The following AFF3 variants were observed in gnomAD, a reference collection of about 807,000 sequenced individuals.
AFF3 encodes ALF transcription elongation factor 3, also known as AF4/FMR2 family member 3.
A neutral mutation model predicts 129.7 loss-of-function variants in AFF3; 32 were observed. The observed-to-expected ratio is 0.25, with a 90% CI of 0.19 to 0.33. The LOEUF (loss-of-function observed/expected upper bound fraction) is 0.33, where lower values mean the gene tolerates loss of function less well. AFF3 is among the 10% of genes least tolerant of loss of function. The pLI is 1.00. For missense variants in AFF3, 1,373 were observed against 1,592.0 expected, an observed-to-expected ratio of 0.86 and a Z score of 2.34; for synonymous variants, 644 against 635.4, an observed-to-expected ratio of 1.01 and a Z score of -0.20.
intron 13 of AFF3, among the ~76,000 whole-genome samples, chr2:99,632,685 G>C (rs186696509): frequency 1.3e-5 from 2 of 152,198 alleles, no homozygotes; most frequent in African/African-American, 4.8e-5. Flanking sequence ...CTCACTGAAA[G>C]ATAGAAGAAA....
At chr2:99,851,125 T>G (rs1690113781) in intron 7 of AFF3, among the ~76,000 whole-genome samples, 1 of 152,204 alleles carries the variant, frequency 6.6e-6, no homozygotes, top group Non-Finnish European at 1.5e-5. Context: ...AGGGTTAAGC[T>G]CATTATTGAG....
At chr2:99,796,564 A>G (rs562310841) in intron 8 of AFF3, among the ~76,000 whole-genome samples, 1 of 152,264 alleles carries the variant, frequency 6.6e-6, no homozygotes, top group South Asian at 2.1e-4. Flanking sequence ...GGGAGGGGAA[A>G]CCATGAGAAA....
chr2:99,806,550 A>G (rs1686366673), intron 8 of AFF3, among the ~76,000 whole-genome samples: 1 of 152,282 alleles, frequency 6.6e-6, no homozygotes, highest in Middle Eastern at 3.4e-3. Context: ...CCTCTGGGGA[A>G]CCACTCCAGA....
chr2:99,546,916 C>G lies in AFF3; in HGVS notation c.*4558G>C, dbSNP rs913393543. On this transcript the variant is annotated 3_prime_UTR_variant, in exon 25 of 25. Coordinates refer to ENST00000672756, the MANE Select transcript of AFF3 (RefSeq NM_001386135.1). The stretch of plus-strand genomic sequence containing the variant: ...TGACCTTCTCAAGCTTCCTGTTGAG[C>G]CTTCACTGGGACACTGGGAGCGTGC... 1 of 221,114 alleles carries G rather than the reference C, an allele frequency of 4.5e-6. No homozygotes were observed. The highest frequency in any genetic ancestry group is 9.0e-6 in the Non-Finnish European group (1 of 110,596). 13.7% of individuals were successfully genotyped at this position (221,114 alleles called of 1,614,324 possible). A position where few individuals can be genotyped will look rare whatever the true frequency, so the allele number is the denominator to read the frequency against.
At chr2:99,745,204 C>T (rs186361610) in intron 9 of AFF3, among the ~76,000 whole-genome samples, 53 of 152,126 alleles carry the variant, frequency 3.5e-4, no homozygotes, top group Admixed American at 3.4e-3. Flanking sequence ...AAGTCCTTTG[C>T]CATTTTTTAA....
At chr2:99,946,294 G>A (rs967485585) in intron 7 of AFF3, among the ~76,000 whole-genome samples, 5 of 151,314 alleles carry the variant, frequency 3.3e-5, no homozygotes, top group South Asian at 2.1e-4. Context: ...CCAACATGGC[G>A]TAAACCCCAT....
chr2:100,051,502 G>A (rs928361411), intron 4 of AFF3, among the ~76,000 whole-genome samples: 1 of 152,194 alleles, frequency 6.6e-6, no homozygotes, highest in African/African-American at 2.4e-5. Flanking sequence ...ATGAGGCCAA[G>A]CTTGTTAGGA....
chr2:99,575,782 T>C (rs910455318), intron 18 of AFF3, among the ~76,000 whole-genome samples: 1 of 152,224 alleles, frequency 6.6e-6, no homozygotes, highest in African/African-American at 2.4e-5. Flanking sequence ...AGTTTCATTG[T>C]AGCTGTCAGC....
chr2:99,565,432 G>A, intron 20 of AFF3, 55 bp downstream of exon 20: 2 of 1,594,964 alleles, frequency 1.3e-6, no homozygotes, highest in Non-Finnish European at 1.7e-6. Flanking sequence ...TAACCATAGT[G>A]CTTCCACACA....
chr2:99,651,127 C>T (rs1330402592), intron 12 of AFF3, among the ~76,000 whole-genome samples: 1 of 147,804 alleles, frequency 6.8e-6, no homozygotes, highest in Non-Finnish European at 1.5e-5. Flanking sequence ...GAGCTGAGAT[C>T]GCGCCATTGT....
At chr2:99,804,958 A>C (rs1686226635) in intron 8 of AFF3, among the ~76,000 whole-genome samples, 1 of 152,148 alleles carries the variant, frequency 6.6e-6, no homozygotes, top group South Asian at 2.1e-4. Flanking sequence ...CGGGCAAGGG[A>C]TAAAAAACAA....
intron 7 of AFF3, among the ~76,000 whole-genome samples, chr2:99,857,229 A>C (rs189546981): frequency 6.6e-6 from 1 of 152,340 alleles, no homozygotes; most frequent in East Asian, 1.9e-4. Flanking sequence ...CTCATTTGCA[A>C]ACTGTTCCTA....
At chr2:99,967,444 A>G (rs1040642525) in intron 7 of AFF3, among the ~76,000 whole-genome samples, 3 of 152,116 alleles carry the variant, frequency 2.0e-5, no homozygotes, top group African/African-American at 7.2e-5. Flanking sequence ...TCAAAACTGG[A>G]TTGGCATCTT....
rs893150413 is a variant in AFF3 at position 100,061,864 on chromosome 2, G to GGA, written c.53+42537_53+42538insTC. On this transcript the variant is annotated intron_variant, in intron 4 of 24. Transcript: ENST00000672756. ...AGATGGGTAGCACAGTGGAGGGGGGGGGGGTGCCGACTCTCAAGTCCACTG... is the reference window on the plus strand; with the variant it reads ...AGATGGGTAGCACAGTGGAGGGGGGGGAGGGGTGCCGACTCTCAAGTCCACTG... Among the ~76,000 whole-genome samples, 10 of 150,728 alleles carry GGA rather than the reference G, an allele frequency of 6.6e-5. 1 individual carries two copies. Among genetic ancestry groups the GGA allele is most frequent in the African/African-American group, 9.7e-5 (4 of 41,246 alleles).
chr2:99,876,639 T>G (rs368694180), intron 7 of AFF3, among the ~76,000 whole-genome samples: 4 of 151,976 alleles, frequency 2.6e-5, no homozygotes, highest in Non-Finnish European at 5.9e-5. Context: ...TTCCCCTGCT[T>G]GAGATTCTCC....
At chr2:99,560,219 G>A (rs1675343682) in intron 21 of AFF3, 146 bp downstream of exon 21, 3 of 796,114 alleles carry the variant, frequency 3.8e-6, no homozygotes, top group Admixed American at 2.7e-5. Flanking sequence ...GCAAAAAATG[G>A]TCTGGACTTT....
intron 4 of AFF3, among the ~76,000 whole-genome samples, chr2:100,095,370 A>C (rs1030611214): frequency 6.6e-6 from 1 of 152,130 alleles, no homozygotes; most frequent in African/African-American, 2.4e-5. Flanking sequence ...GCATATTACA[A>C]GAAATGGTTA....
At chr2:99,572,572 C>A (rs1165822304) in intron 18 of AFF3, 4 of 455,254 alleles carry the variant, frequency 8.8e-6, no homozygotes, top group South Asian at 4.7e-5. Flanking sequence ...AGTTCCTCGG[C>A]GCGGCAGAAA....
chr2:99,796,508 T>C (rs1248309530), intron 8 of AFF3, among the ~76,000 whole-genome samples: 1 of 152,188 alleles, frequency 6.6e-6, no homozygotes, highest in Non-Finnish European at 1.5e-5. Context: ...GCAAGCTGTA[T>C]GACTGCCCCA....
Sources: gnomAD v4.1 joint callset for allele counts (sites outside exome capture counted in the v4.1 genomes callset) on GRCh38, gnomAD v4.1.1 for gene constraint, MANE v1.5 for transcripts, NCBI Gene and HGNC (gene_info 2026-07-23, HGNC 2026-07-21) for gene names.